Variants in MMP16 observed in about 807,000 individuals in gnomAD.
MMP16 encodes matrix metallopeptidase 16.
Under a neutral mutation model 67.8 loss-of-function variants are expected in MMP16, and 12 were observed. The ratio of observed to expected loss-of-function variants is 0.18; its 90% CI spans 0.11 to 0.29. The LOEUF is 0.29. Ranked by LOEUF, MMP16 falls within the 10% of genes least tolerant of loss-of-function variation. The pLI, the probability that MMP16 is intolerant of heterozygous loss-of-function variation, is 1.00. For missense variants in MMP16, 475 were observed against 765.7 expected (o/e 0.62, Z 4.48); for synonymous variants, 249 against 255.9 (o/e 0.97, Z 0.26).
chr8:88,318,621 C>T lies in MMP16; in HGVS notation c.132+8454G>A, dbSNP rs185152077. 1.2e-4 allele frequency among the ~76,000 whole-genome samples: 19 copies of T among 152,254 alleles called. 2 individuals are homozygous for T. Among genetic ancestry groups the T allele is most frequent in the African/African-American group, 4.6e-4 (19 of 41,544 alleles). ...TCAGCCTGTCTGCTTTGATTTTAGGCTATCCCACTTCAGCACTTCATAGCA... is the reference window on the plus strand; with the variant it reads ...TCAGCCTGTCTGCTTTGATTTTAGGTTATCCCACTTCAGCACTTCATAGCA... On this transcript the variant is annotated intron_variant, in intron 1 of 9. Transcript: ENST00000286614.
At chr8:88,078,180 A>G (rs1808682588) in intron 6 of MMP16, among the ~76,000 whole-genome samples, 1 of 152,122 alleles carries the variant, frequency 6.6e-6, no homozygotes, top group South Asian at 2.1e-4. Context: ...AGGGGAAATA[A>G]TAACCATAAC....
chr8:88,112,404 G>A (rs1429142034), intron 6 of MMP16, among the ~76,000 whole-genome samples: 1 of 151,592 alleles, frequency 6.6e-6, no homozygotes, highest in Non-Finnish European at 1.5e-5. Flanking sequence ...TTATCTTGTA[G>A]TCCAAAGGTG....
intron 1 of MMP16, 33 bp downstream of exon 1, chr8:88,327,042 G>C: frequency 6.2e-7 from 1 of 1,612,640 alleles, no homozygotes; most frequent in South Asian, 1.1e-5. Flanking sequence ...AGCCCAGGCA[G>C]CGGGGGGAGG....
chr8:88,296,044 G>C (rs1471900528), intron 1 of MMP16, among the ~76,000 whole-genome samples: 1 of 152,026 alleles, frequency 6.6e-6, no homozygotes, highest in Admixed American at 6.5e-5. Flanking sequence ...TACTAACTGA[G>C]ACTAGTCCAA....
intron 1 of MMP16, among the ~76,000 whole-genome samples, chr8:88,266,246 T>G (rs2129961838): frequency 6.6e-6 from 1 of 152,282 alleles, no homozygotes; most frequent in Non-Finnish European, 1.5e-5. Context: ...CTAATTTCCC[T>G]TCAGGTCTAT....
chr8:88,308,340 G>T (rs1028804042), intron 1 of MMP16, among the ~76,000 whole-genome samples: 1 of 152,024 alleles, frequency 6.6e-6, no homozygotes, highest in Admixed American at 6.6e-5. Context: ...GTGAATGTTT[G>T]CTCTATAATG....
chr8:88,327,216 T>C lies in MMP16; in HGVS notation c.-10A>G, dbSNP rs1811554547. ...ATGTGAGTAAGATCATAGTGAACTG[T>C]GCTTCAATGGATGGACGAGCTCCCC... On this transcript the variant is annotated 5_prime_UTR_variant, in exon 1 of 10. Transcript: ENST00000286614. 1 of 1,613,562 alleles carries C rather than the reference T, an allele frequency of 6.2e-7. No individual in the cohort carries two copies. Among genetic ancestry groups the C allele is most frequent in the Admixed American group, 1.7e-5 (1 of 59,986 alleles).
intron 6 of MMP16, among the ~76,000 whole-genome samples, chr8:88,075,938 T>TACACACACACACACACACACACAC (rs71556442): frequency 4.3e-5 from 6 of 140,500 alleles, no homozygotes; most frequent in Admixed American, 1.5e-4. Flanking sequence ...CATATATTCA[T>TACACACACACACACACACACACAC]ACACACACAC....
chr8:88,256,942 T>C (rs1277649635), intron 1 of MMP16, among the ~76,000 whole-genome samples: 4 of 152,182 alleles, frequency 2.6e-5, no homozygotes, highest in Non-Finnish European at 5.9e-5. Context: ...TGTAGATTCA[T>C]TATAATTCTG....
rs548443034 is a variant in MMP16 at position 88,253,016 on chromosome 8, C to T, written c.133-55710G>A. 2.0e-4 allele frequency among the ~76,000 whole-genome samples: 31 copies of T among 152,166 alleles called. No individual in the cohort carries two copies. The South Asian group carries it at 6.0e-3, about 30-fold the overall frequency. ...AGTGGAAATAAAAAGCCTGATAGGA[C>T]AATTCTTTAGAAAAACTGTTGCTCT... is the stretch of plus-strand genomic sequence containing the variant. On this transcript the variant is annotated intron_variant, in intron 1 of 9. Coordinates refer to ENST00000286614, the MANE Select transcript of MMP16 (RefSeq NM_005941.5).
intron 8 of MMP16, among the ~76,000 whole-genome samples, chr8:88,048,478 C>A (rs1391890101): frequency 6.6e-6 from 1 of 152,142 alleles, no homozygotes; most frequent in Admixed American, 6.5e-5. Context: ...TGGGAGTTCA[C>A]AGTGATATCA....
At chr8:88,271,982 G>C (rs1442063019) in intron 1 of MMP16, among the ~76,000 whole-genome samples, 1 of 152,188 alleles carries the variant, frequency 6.6e-6, no homozygotes, top group Non-Finnish European at 1.5e-5. Context: ...ATTTAAGTTA[G>C]CAGTTTGTCC....
At chr8:88,238,257 A>G (rs1337145981) in intron 1 of MMP16, among the ~76,000 whole-genome samples, 1 of 152,182 alleles carries the variant, frequency 6.6e-6, no homozygotes, top group Non-Finnish European at 1.5e-5. Context: ...TCACGCCTGT[A>G]ATCCCAGCAT....
chr8:88,262,111 T>C (rs1334768081), intron 1 of MMP16, among the ~76,000 whole-genome samples: 2 of 152,154 alleles, frequency 1.3e-5, no homozygotes, highest in East Asian at 3.9e-4. Context: ...ATTTGAACCT[T>C]AGTCAATAAT....
At chr8:88,265,051 CA>C (rs1290138812) in intron 1 of MMP16, among the ~76,000 whole-genome samples, 1 of 152,090 alleles carries the variant, frequency 6.6e-6, no homozygotes, top group Non-Finnish European at 1.5e-5. Context: ...ATGAGCTGAT[CA>C]AATATTTCCT....
chr8:88,140,882 T>C (rs1808200890), intron 4 of MMP16, among the ~76,000 whole-genome samples: 11 of 152,126 alleles, frequency 7.2e-5, no homozygotes, highest in Admixed American at 7.2e-4. Flanking sequence ...CATATTACAA[T>C]AGGGAAAATT....
intron 1 of MMP16, among the ~76,000 whole-genome samples, chr8:88,281,999 A>T (rs1810745420): frequency 6.6e-6 from 1 of 151,124 alleles, no homozygotes; most frequent in South Asian, 2.1e-4. Flanking sequence ...CTAAAATTCT[A>T]CACATTTTTT....
chr8:88,312,362 T>C (rs532547011), intron 1 of MMP16, among the ~76,000 whole-genome samples: 1 of 152,298 alleles, frequency 6.6e-6, no homozygotes, highest in South Asian at 2.1e-4. Flanking sequence ...TCCATCTTAA[T>C]TTAGGCTACA....
At chr8:88,229,234 T>C (rs191621518) in intron 1 of MMP16, among the ~76,000 whole-genome samples, 300 of 152,250 alleles carry the variant, frequency 2.0e-3, no homozygotes, top group Middle Eastern at 0.017. Flanking sequence ...ATGCTGAGTT[T>C]TCCAGAATAT....
Sources: allele counts gnomAD v4.1 joint callset (sites outside exome capture counted in the v4.1 genomes callset), GRCh38; gene constraint gnomAD v4.1.1; transcripts MANE v1.5; gene names NCBI Gene and HGNC (gene_info 2026-07-23, HGNC 2026-07-21).